The following CCDC138 variants were observed in gnomAD, a reference collection of about 807,000 sequenced individuals.
The protein encoded by CCDC138 is coiled-coil domain containing 138, also known as coiled-coil domain-containing protein 138.
A neutral mutation model predicts 82.3 loss-of-function variants in CCDC138; 66 were observed. The ratio of observed to expected loss-of-function variants is 0.80; its 90% CI spans 0.66 to 0.98. CCDC138 has a LOEUF of 0.98. CCDC138 is among the 50% of genes least tolerant of loss of function. The probability of loss-of-function intolerance (pLI) is 0.00; values close to 1 mark genes in which losing one functional copy is unlikely to be tolerated. For missense variants in CCDC138, 816 were observed against 758.9 expected (o/e 1.08, Z -0.88); for synonymous variants, 297 against 265.4 (o/e 1.12, Z -1.16).
chr2:108,842,017 GT>G (rs1689571765), intron 11 of CCDC138, among the ~76,000 whole-genome samples: 1 of 151,858 alleles, frequency 6.6e-6, no homozygotes, highest in Admixed American at 6.6e-5. Flanking sequence ...GAAGTAAAGG[GT>G]TTTTCTTGTT....
Position 108,788,952 on chromosome 2 carries a change from C to G in CCDC138, c.252C>G (p.His84Gln). The change falls in exon 3 of 15, where the codon CAC becomes CAG. Residue 84 changes from histidine (H) to glutamine (Q), a missense_variant. By Grantham distance (24) the His-to-Gln change is conservative. Coordinates refer to ENST00000295124, the MANE Select transcript of CCDC138 (RefSeq NM_144978.3). ...CACCATTGGGCAGCTTATTCAAGCA[C>G]GTAAATGTGAATTGGTAAAGTACCC... The part of the protein sequence containing the change: ...CRTPLGSLFK[H>Q]VNVNCLDDEL... 2 of 1,613,910 alleles carry G rather than the reference C, an allele frequency of 1.2e-6. No homozygotes were observed. Among genetic ancestry groups the G allele is most frequent in the Non-Finnish European group, 1.7e-6 (2 of 1,179,922 alleles).
chr2:108,800,201 T>C (rs1681667912), intron 6 of CCDC138, among the ~76,000 whole-genome samples: 1 of 152,178 alleles, frequency 6.6e-6, no homozygotes, highest in Admixed American at 6.6e-5. Flanking sequence ...GTTCTATTGT[T>C]ACCTTCTGGA....
chr2:108,869,864 G>C lies in CCDC138; in HGVS notation c.1694-3587G>C, dbSNP rs560776624. Among the ~76,000 whole-genome samples the C allele has an allele frequency of 3.3e-5, 5 of 152,034 alleles. No individual in the cohort carries two copies. In the South Asian group the frequency reaches 1.0e-3, roughly 32 times the overall value. ...GGAGGGGTGGTTTTTTCAAATGTCA[G>C]ATTTTCAGCAAAAAAAATCGTAGAA... On this transcript the variant is annotated intron_variant, in intron 13 of 14. Transcript: ENST00000295124.
chr2:108,863,071 AG>A (rs1693880720), intron 13 of CCDC138, among the ~76,000 whole-genome samples: 1 of 152,216 alleles, frequency 6.6e-6, no homozygotes, highest in Non-Finnish European at 1.5e-5. Context: ...TTGCAATATT[AG>A]GTTGTTAATT....
intron 13 of CCDC138, among the ~76,000 whole-genome samples, chr2:108,868,215 T>G (rs1417220099): frequency 1.3e-5 from 2 of 152,016 alleles, no homozygotes; most frequent in African/African-American, 4.8e-5. Context: ...GTTTATTTTC[T>G]TAAGTTACTC....
intron 13 of CCDC138, among the ~76,000 whole-genome samples, chr2:108,868,312 C>G (rs1209769508): frequency 6.6e-6 from 1 of 152,122 alleles, no homozygotes; most frequent in Non-Finnish European, 1.5e-5. Flanking sequence ...CTGAAAGTAA[C>G]TTGTAGCTGA....
At chr2:108,856,449 A>G (rs1285515929) in intron 12 of CCDC138, among the ~76,000 whole-genome samples, 3 of 152,228 alleles carry the variant, frequency 2.0e-5, no homozygotes, top group African/African-American at 7.2e-5. Flanking sequence ...TAGAAATACT[A>G]AGTTTTTGGA....
rs1013227077 is a variant in CCDC138 at position 108,796,300 on chromosome 2, C to T, written c.576+1579C>T. Among the ~76,000 whole-genome samples, 7 of 151,810 alleles carry T rather than the reference C, an allele frequency of 4.6e-5. No homozygotes were observed. In the South Asian group the frequency reaches 6.3e-4, roughly 14 times the overall value. ...CGATCTCCTGACCTCGTGATCCGCCCGCCTCTGCCTCCCAAAGTGCTGGGA... is the reference window on the plus strand; with the variant it reads ...CGATCTCCTGACCTCGTGATCCGCCTGCCTCTGCCTCCCAAAGTGCTGGGA... On this transcript the variant is annotated intron_variant, in intron 5 of 14. Transcript: ENST00000295124.
At chr2:108,876,769 G>C (rs969992339), downstream of CCDC138, among the ~76,000 whole-genome samples, 1 of 151,558 alleles carries the variant, frequency 6.6e-6, no homozygotes, top group African/African-American at 2.4e-5. Flanking sequence ...TTATTATGCT[G>C]TTCACAGGTT....
At chr2:108,836,071 C>T (rs957881359) in intron 10 of CCDC138, among the ~76,000 whole-genome samples, 6 of 152,200 alleles carry the variant, frequency 3.9e-5, no homozygotes, top group African/African-American at 1.4e-4. Flanking sequence ...AGATCCTCAC[C>T]TCTCAACACT....
chr2:108,809,231 T>C (rs1480371100), intron 7 of CCDC138, among the ~76,000 whole-genome samples: 1 of 152,200 alleles, frequency 6.6e-6, no homozygotes, highest in Non-Finnish European at 1.5e-5. Context: ...TTGTAGTATA[T>C]TTTGAGTTTA....
Position 108,855,859 on chromosome 2 carries a change from G to A in CCDC138, c.1517-935G>A, listed in dbSNP as rs187940012. The stretch of plus-strand genomic sequence containing the variant: ...TAAATTTTAATACGGTGATTCTGTT[G>A]TACTTTCAGTATTTCATGGTGCTCT... On this transcript the variant is annotated intron_variant, in intron 12 of 14. Transcript: ENST00000295124. Among the ~76,000 whole-genome samples, 36 of 152,248 alleles carry A rather than the reference G, an allele frequency of 2.4e-4. No homozygotes were observed. The East Asian group carries it at 6.0e-3, about 25-fold the overall frequency.
At chr2:108,843,246 C>G (rs1293780264) in intron 11 of CCDC138, among the ~76,000 whole-genome samples, 1 of 152,168 alleles carries the variant, frequency 6.6e-6, no homozygotes, top group Non-Finnish European at 1.5e-5. Flanking sequence ...CAACCTCCGT[C>G]TGCTGGGTTC....
intron 10 of CCDC138, among the ~76,000 whole-genome samples, chr2:108,818,919 C>G (rs906220816): frequency 1.3e-5 from 2 of 151,354 alleles, no homozygotes; most frequent in Non-Finnish European, 2.9e-5. Flanking sequence ...ATTTGATATA[C>G]TGGGTATACC....
rs138054730 is a variant in CCDC138, at chr2:108,869,776, C to T, written c.1694-3675C>T. On this transcript the variant is annotated intron_variant, in intron 13 of 14. Transcript: ENST00000295124. ...ATGACCTTAAGCACACTCCCTACAC[C>T]GTTCCCAAGGCTCAGGTGCTTGATA... 4.8e-3 allele frequency among the ~76,000 whole-genome samples: 733 copies of T among 152,274 alleles called. 7 individuals are homozygous for T. Among genetic ancestry groups the T allele is most frequent in the South Asian group, 0.023 (110 of 4,826 alleles).
At chr2:108,843,955 A>G (rs893658156) in intron 11 of CCDC138, among the ~76,000 whole-genome samples, 3 of 147,750 alleles carry the variant, frequency 2.0e-5, no homozygotes, top group Non-Finnish European at 3.0e-5. Flanking sequence ...CAGTGGCACA[A>G]TCACGGCTCA....
intron 13 of CCDC138, among the ~76,000 whole-genome samples, chr2:108,864,480 T>C (rs1369076337): frequency 6.6e-6 from 1 of 150,396 alleles, no homozygotes; most frequent in Non-Finnish European, 1.5e-5. Context: ...CTGGGCAACA[T>C]AGTAAGGCCC....
intron 5 of CCDC138, among the ~76,000 whole-genome samples, chr2:108,797,070 G>T (rs2149520477): frequency 6.6e-6 from 1 of 152,176 alleles, no homozygotes; most frequent in South Asian, 2.1e-4. Context: ...TGACTTTGGA[G>T]CCTGTGAGAA....
intron 13 of CCDC138, among the ~76,000 whole-genome samples, chr2:108,857,998 A>G (rs1307110197): frequency 5.3e-5 from 8 of 152,248 alleles, no homozygotes; most frequent in East Asian, 1.9e-4. Context: ...AATAAAGTCT[A>G]TTAGAGGAGA....
Sources: allele counts gnomAD v4.1 joint callset (sites outside exome capture counted in the v4.1 genomes callset), GRCh38; gene constraint gnomAD v4.1.1; transcripts MANE v1.5; gene names NCBI Gene and HGNC (gene_info 2026-07-23, HGNC 2026-07-21).